Variants in IQCM observed in about 807,000 individuals in gnomAD.
IQCM encodes IQ domain-containing protein M.
In IQCM, 45 loss-of-function variants were observed where a neutral mutation model predicts 57.6. The ratio of observed to expected loss-of-function variants is 0.78; its 90% CI spans 0.62 to 1.00. IQCM has a LOEUF of 1.00. IQCM is among the 50% of genes least tolerant of loss of function. The pLI is 0.00. For synonymous variants in IQCM, 148 were observed against 158.9 expected, an observed-to-expected ratio of 0.93 and a Z score of 0.51; for missense variants, 468 against 511.6, an observed-to-expected ratio of 0.91 and a Z score of 0.82.
chr4:149,409,772 G>A (rs1471754830), intron 13 of IQCM, among the ~76,000 whole-genome samples: 5 of 152,124 alleles, frequency 3.3e-5, no homozygotes, highest in African/African-American at 9.7e-5. Flanking sequence ...CAAAAGCCTC[G>A]GTAGTGAAGC....
At chr4:149,430,945 A>G (rs571453857) in intron 13 of IQCM, among the ~76,000 whole-genome samples, 7 of 152,090 alleles carry the variant, frequency 4.6e-5, no homozygotes, top group African/African-American at 1.7e-4. Context: ...CATGCCTGTA[A>G]TTTCAGCACT....
chr4:149,792,224 G>A (rs28461665), intron 2 of IQCM, among the ~76,000 whole-genome samples: 3,487 of 152,024 alleles, frequency 0.023, 106 homozygotes, highest in African/African-American at 0.07. Context: ...TATATTCAAC[G>A]AAAAGATTAA....
intron 5 of IQCM, 45 bp from the exon 6 acceptor site, chr4:149,686,513 G>T: frequency 2.6e-6 from 2 of 783,310 alleles, no homozygotes; most frequent in Non-Finnish European, 3.5e-6. Flanking sequence ...TAGTTTTCAA[G>T]TTGTAAGTGC....
At chr4:149,787,363 C>T (rs1772170145) in intron 2 of IQCM, among the ~76,000 whole-genome samples, 1 of 151,482 alleles carries the variant, frequency 6.6e-6, no homozygotes, top group South Asian at 2.1e-4. Flanking sequence ...GGAAAAAATC[C>T]TAAAACTTAT....
At chr4:149,618,689 T>A (rs528059470) in intron 8 of IQCM, among the ~76,000 whole-genome samples, 1 of 152,036 alleles carries the variant, frequency 6.6e-6, no homozygotes, top group Non-Finnish European at 1.5e-5. Context: ...TAAGTGGACA[T>A]TTTTCAAAAG....
chr4:149,812,845 C>T (rs527611457), intron 2 of IQCM, among the ~76,000 whole-genome samples: 2 of 152,208 alleles, frequency 1.3e-5, no homozygotes, highest in East Asian at 3.9e-4. Flanking sequence ...CCCTCCCCTA[C>T]ACCCAGGTGA....
In IQCM at chr4:149,733,499, G is replaced by C; in HGVS notation, c.130C>G (p.Gln44Glu). ...HYEKINENKVQGTSINVFRKK... is the reference protein window; with the variant it reads ...HYEKINENKVEGTSINVFRKK... ...CTAAAAACATTTATAGAAGTACCTT[G>C]AACTTTATTCTATGAATAAAACAAA... Residue 44 changes from glutamine to glutamate, a missense_variant, in exon 5 of 14, where the codon CAA becomes GAA. Coordinates refer to ENST00000636793, the MANE Select transcript of IQCM (RefSeq NM_001363507.2). 1.6e-6 allele frequency: 2 copies of C among 1,223,784 alleles called. No individual in the cohort carries two copies. The highest frequency in any genetic ancestry group is 3.2e-5 in the East Asian group (1 of 31,662). 75.8% of individuals were successfully genotyped at this position (1,223,784 alleles called of 1,614,324 possible). A position where few individuals can be genotyped will look rare whatever the true frequency, so the allele number is the denominator to read the frequency against.
intron 8 of IQCM, among the ~76,000 whole-genome samples, chr4:149,614,038 T>A (rs1755557093): frequency 6.6e-6 from 1 of 152,208 alleles, no homozygotes. Flanking sequence ...GACCTGTTTT[T>A]ATTTTTTTCA....
At chr4:149,778,589 A>G (rs1192671978) in intron 2 of IQCM, among the ~76,000 whole-genome samples, 1 of 152,066 alleles carries the variant, frequency 6.6e-6, no homozygotes, top group East Asian at 1.9e-4. Context: ...GATTAATACA[A>G]TTGAGAAATC....
chr4:149,628,241 G>T (rs1756979483), intron 7 of IQCM, among the ~76,000 whole-genome samples: 1 of 152,058 alleles, frequency 6.6e-6, no homozygotes, highest in Admixed American at 6.6e-5. Flanking sequence ...ATAGAAAAGT[G>T]CTTGGCATTC....
chr4:149,462,400 C>T (rs1738400617), intron 12 of IQCM, among the ~76,000 whole-genome samples: 1 of 152,112 alleles, frequency 6.6e-6, no homozygotes, highest in African/African-American at 2.4e-5. Context: ...AAGGCCAAGC[C>T]CACTGTCCTC....
rs184438356 is a variant in IQCM at position 149,547,253 on chromosome 4, A to G, written c.1228+1202T>C. ...GTAGCATAGTTTGAAGTCAGGTAGC[A>G]TGATGCCTCCAGCTTTGTTAAAAAG... On this transcript the variant is annotated intron_variant, in intron 12 of 13. Transcript: ENST00000636793. 1.6e-3 allele frequency among the ~76,000 whole-genome samples: 238 copies of G among 152,190 alleles called. 1 individual carries two copies. Among genetic ancestry groups the G allele is most frequent in the African/African-American group, 5.6e-3 (231 of 41,526 alleles).
intron 12 of IQCM, among the ~76,000 whole-genome samples, chr4:149,488,540 A>C (rs952780062): frequency 6.6e-6 from 1 of 152,150 alleles, no homozygotes; most frequent in Non-Finnish European, 1.5e-5. Flanking sequence ...ATTTTTCCAG[A>C]TAGATCGCTG....
chr4:149,401,434 A>G (rs1732612820), intron 13 of IQCM, among the ~76,000 whole-genome samples: 1 of 151,756 alleles, frequency 6.6e-6, no homozygotes, highest in African/African-American at 2.4e-5. Context: ...TTTTCACACA[A>G]TTTCAGGAGA....
intron 7 of IQCM, among the ~76,000 whole-genome samples, chr4:149,630,846 T>C (rs1160551001): frequency 6.6e-6 from 1 of 152,228 alleles, no homozygotes. Flanking sequence ...ATAATAATTA[T>C]GCAGAAAACA....
chr4:149,614,590 C>T lies in IQCM; in HGVS notation c.681+6539G>A, dbSNP rs571153616. On this transcript the variant is annotated intron_variant, in intron 8 of 13. Transcript: ENST00000636793. Reference sequence around the variant, plus strand: ...AGTGCATGTATTCATGCAGCACAGACATTCCCTTGCTTGTCAGCTCTTCCT... The same window carrying T: ...AGTGCATGTATTCATGCAGCACAGATATTCCCTTGCTTGTCAGCTCTTCCT... Among the ~76,000 whole-genome samples, 16 of 152,282 alleles carry T rather than the reference C, an allele frequency of 1.1e-4. No individual in the cohort carries two copies. The South Asian group carries it at 3.1e-3, about 30-fold the overall frequency.
At chr4:149,366,664 G>A (rs1729864860) in intron 13 of IQCM, among the ~76,000 whole-genome samples, 1 of 151,640 alleles carries the variant, frequency 6.6e-6, no homozygotes, top group Admixed American at 6.6e-5. Flanking sequence ...ATACATAACA[G>A]CATGAAGAGC....
chr4:149,803,043 C>A (rs1451161451), intron 2 of IQCM, among the ~76,000 whole-genome samples: 1 of 151,942 alleles, frequency 6.6e-6, no homozygotes, highest in Non-Finnish European at 1.5e-5. Flanking sequence ...GGTAACTGAT[C>A]CTCAGACAGA....
intron 13 of IQCM, among the ~76,000 whole-genome samples, chr4:149,406,987 G>C (rs1449199459): frequency 1.3e-5 from 2 of 151,752 alleles, no homozygotes; most frequent in Admixed American, 1.3e-4. Context: ...CCAAGTGAAG[G>C]CTGGGGAGGC....
Sources: allele counts gnomAD v4.1 joint callset (sites outside exome capture counted in the v4.1 genomes callset), GRCh38; gene constraint gnomAD v4.1.1; transcripts MANE v1.5; gene names NCBI Gene and HGNC (gene_info 2026-07-23, HGNC 2026-07-21).